The following SAMD5 variants were observed in gnomAD, a reference collection of about 807,000 sequenced individuals.
The protein encoded by SAMD5 is sterile alpha motif domain-containing protein 5.
SAMD5 carries 13 observed loss-of-function variants against 11.3 expected under a neutral mutation model. That is an observed-to-expected ratio of 1.15 (90% CI 0.75 to 1.83). SAMD5 has a LOEUF of 1.83. Ranked by LOEUF, SAMD5 falls within the 40% of genes most tolerant of loss-of-function variation. SAMD5 has a pLI of 0.00. For synonymous variants in SAMD5, 129 were observed against 111.3 expected (o/e 1.16, Z -1.00); for missense variants, 255 against 239.1 (o/e 1.07, Z -0.44).
At chr6:147,926,171 A>G in the SAMD5 span, among the ~76,000 whole-genome samples, 1 of 152,294 alleles carries the variant, frequency 6.6e-6, no homozygotes, top group East Asian at 1.9e-4. Context: ...TCTTTATAGT[A>G]CAATGATTTA....
At chr6:147,795,960 A>ATAT in the SAMD5 span, among the ~76,000 whole-genome samples, 3 of 147,512 alleles carry the variant, frequency 2.0e-5, no homozygotes, top group Non-Finnish European at 4.5e-5. Context: ...TAGATTCTGG[A>ATAT]TATTAGCCCT....
At position 147,618,233 on chromosome 6, in the gene SAMD5, A is replaced by C. The variant is rs996729108; in HGVS notation, c.162+108846A>C. Among the ~76,000 whole-genome samples, 3 of 152,222 alleles carry C rather than the reference A, an allele frequency of 2.0e-5. 1 individual carries two copies. In the South Asian group the frequency reaches 6.2e-4, roughly 32 times the overall value. On this transcript the variant is annotated intron_variant, in intron 1 of 1. Transcript: ENST00000566741. ...GATGCTAGGAATACACAGAGCAATA[A>C]GACAGCGCCATGCTCATCGGCATTA...
chr6:147,520,117 GT>G (rs10632543), intron 1 of SAMD5, among the ~76,000 whole-genome samples: 4,526 of 136,792 alleles, frequency 0.033, 184 homozygotes, highest in African/African-American at 0.11. Flanking sequence ...GAACTTTATA[GT>G]TTTTTTTTTT....
At chr6:147,594,423 G>A (rs930423692) in intron 1 of SAMD5, among the ~76,000 whole-genome samples, 2 of 152,090 alleles carry the variant, frequency 1.3e-5, no homozygotes, top group Non-Finnish European at 2.9e-5. Context: ...CTAAGTTCAC[G>A]GATAATGTCA....
intron 1 of SAMD5, among the ~76,000 whole-genome samples, chr6:147,735,677 T>C (rs937748080): frequency 6.6e-6 from 1 of 152,122 alleles, no homozygotes; most frequent in East Asian, 1.9e-4. Context: ...TACATCAGTC[T>C]ATTCTTTTCC....
the SAMD5 span, among the ~76,000 whole-genome samples, chr6:147,858,783 C>G: frequency 4.6e-5 from 7 of 152,248 alleles, no homozygotes; most frequent in South Asian, 2.1e-4. Context: ...TCATGCTTAA[C>G]AAGGAAAGCA....
chr6:147,920,237 A>C, the SAMD5 span, among the ~76,000 whole-genome samples: 1 of 152,216 alleles, frequency 6.6e-6, no homozygotes, highest in African/African-American at 2.4e-5. Flanking sequence ...AGAATAAAGC[A>C]GGCAGAAGAG....
chr6:147,740,348 T>C (rs1562364288), downstream of SAMD5, among the ~76,000 whole-genome samples: 1 of 152,202 alleles, frequency 6.6e-6, no homozygotes, highest in African/African-American at 2.4e-5. Context: ...GATTCCTATG[T>C]GATATAAAAG....
intron 1 of SAMD5, among the ~76,000 whole-genome samples, chr6:147,682,541 G>A (rs73011966): frequency 0.11 from 17,478 of 152,158 alleles, 1,101 homozygotes; most frequent in Middle Eastern, 0.16. Flanking sequence ...TTAGCTGTAT[G>A]TATGGTAAGG....
intron 1 of SAMD5, among the ~76,000 whole-genome samples, chr6:147,563,501 A>G (rs1029966627): frequency 1.3e-5 from 2 of 152,196 alleles, no homozygotes; most frequent in African/African-American, 4.8e-5. Flanking sequence ...AATTTCCAGG[A>G]AAGACTCAGG....
At chr6:147,887,238 T>C in the SAMD5 span, among the ~76,000 whole-genome samples, 1 of 152,178 alleles carries the variant, frequency 6.6e-6, no homozygotes, top group African/African-American at 2.4e-5. Flanking sequence ...TCGGACTACA[T>C]ATACACACAC....
chr6:147,835,151 T>G, the SAMD5 span, among the ~76,000 whole-genome samples: 259 of 149,474 alleles, frequency 1.7e-3, 1 homozygote, highest in African/African-American at 6.0e-3. Context: ...GAGAATCACT[T>G]GAACCTGGGA....
chr6:147,795,062 A>AT, the SAMD5 span, among the ~76,000 whole-genome samples: 34,692 of 150,482 alleles, frequency 0.23, 4,997 homozygotes, highest in African/African-American at 0.4. Flanking sequence ...ATCCCATCCT[A>AT]TTTTTTTTTA....
intron 1 of SAMD5, among the ~76,000 whole-genome samples, chr6:147,576,076 C>T (rs1270675115): frequency 1.3e-5 from 2 of 151,934 alleles, no homozygotes; most frequent in African/African-American, 4.8e-5. Flanking sequence ...CATTAGAATT[C>T]TAAGTGGCAG....
At chr6:147,715,007 C>A (rs559950771) in intron 1 of SAMD5, among the ~76,000 whole-genome samples, 1 of 152,188 alleles carries the variant, frequency 6.6e-6, no homozygotes, top group Non-Finnish European at 1.5e-5. Flanking sequence ...GGCATATATA[C>A]ATGAAACTGT....
chr6:147,895,464 G>A, the SAMD5 span, among the ~76,000 whole-genome samples: 14 of 152,204 alleles, frequency 9.2e-5, no homozygotes, highest in African/African-American at 3.1e-4. Flanking sequence ...AATGGAAGCA[G>A]CATCAGATGA....
intron 1 of SAMD5, among the ~76,000 whole-genome samples, chr6:147,640,250 C>T (rs1434297840): frequency 1.3e-5 from 2 of 150,718 alleles, no homozygotes; most frequent in African/African-American, 2.4e-5. Context: ...CGCTTGAACC[C>T]GGGAGGTGAA....
At chr6:147,651,408 T>A (rs1361262212) in intron 1 of SAMD5, among the ~76,000 whole-genome samples, 1 of 152,222 alleles carries the variant, frequency 6.6e-6, no homozygotes, top group African/African-American at 2.4e-5. Flanking sequence ...ATGGTCTGAA[T>A]GTTTGTGTCC....
At chr6:147,898,206 C>A in the SAMD5 span, among the ~76,000 whole-genome samples, 28 of 152,154 alleles carry the variant, frequency 1.8e-4, no homozygotes, top group African/African-American at 6.3e-4. Flanking sequence ...AAATTTACAG[C>A]GTGATATATG....
Sources: allele counts gnomAD v4.1 joint callset (sites outside exome capture counted in the v4.1 genomes callset), GRCh38; gene constraint gnomAD v4.1.1; transcripts MANE v1.5; gene names NCBI Gene and HGNC (gene_info 2026-07-23, HGNC 2026-07-21).